DEPDC5: variants seen among roughly 807,000 people sequenced by gnomAD.
The protein encoded by DEPDC5 is DEP domain containing 5, GATOR1 subcomplex subunit.
DEPDC5 carries 73 observed loss-of-function variants against 217.3 expected under a neutral mutation model. The ratio of observed to expected loss-of-function variants is 0.34; its 90% CI spans 0.28 to 0.41. The LOEUF (loss-of-function observed/expected upper bound fraction) is 0.41. Ranked by LOEUF, DEPDC5 falls within the 10% of genes least tolerant of loss-of-function variation. The probability of loss-of-function intolerance (pLI) is 1.00; values close to 1 mark genes in which losing one functional copy is unlikely to be tolerated. For missense variants in DEPDC5, 1,675 were observed against 2,070.1 expected (o/e 0.81, Z 3.70); for synonymous variants, 733 against 756.7 (o/e 0.97, Z 0.51).
intron 14 of DEPDC5, among the ~76,000 whole-genome samples, chr22:31,800,016 T>G (rs753466870): frequency 7.9e-5 from 12 of 151,718 alleles, no homozygotes; most frequent in Non-Finnish European, 1.3e-4. Flanking sequence ...TTGGTCAGGA[T>G]GGTCTCGATC....
At chr22:31,877,749 C>CAAAAA (rs136870) in intron 37 of DEPDC5, among the ~76,000 whole-genome samples, 14 of 62,836 alleles carry the variant, frequency 2.2e-4, no homozygotes, top group East Asian at 1.1e-3. Context: ...GACTCCATCT[C>CAAAAA]AAAAAAAAAA....
chr22:31,885,640 G>A (rs532865060), intron 38 of DEPDC5, among the ~76,000 whole-genome samples: 2 of 150,656 alleles, frequency 1.3e-5, no homozygotes, highest in South Asian at 2.1e-4. Flanking sequence ...CAGGAGAATG[G>A]CGTGAACCTG....
At chr22:31,897,201 C>G (rs994553899) in intron 39 of DEPDC5, among the ~76,000 whole-genome samples, 6 of 152,110 alleles carry the variant, frequency 3.9e-5, no homozygotes, top group African/African-American at 1.4e-4. Flanking sequence ...AGGATTTCAA[C>G]TCTCTGCAGA....
chr22:31,890,011 T>C (rs1365872403), intron 38 of DEPDC5, among the ~76,000 whole-genome samples: 1 of 152,132 alleles, frequency 6.6e-6, no homozygotes, highest in African/African-American at 2.4e-5. Flanking sequence ...GATTGAACAT[T>C]GGCAAACTAA....
At chr22:31,816,678 C>T (rs1208880488) in intron 21 of DEPDC5, 1 of 152,410 alleles carries the variant, frequency 6.6e-6, no homozygotes, top group Non-Finnish European at 1.5e-5. Context: ...GATCCACCCA[C>T]CTCGGCCTCC....
Position 31,901,723 on chromosome 22 carries a change from ATTC to A in DEPDC5, c.4376-16_4376-14del, listed in dbSNP as rs1221586494. Reference sequence around the variant, plus strand: ...ACCTTGTGATCACAACCCAATATTTATTCTTATTTTCCTTTCAGGCTTTGAACC... The same window carrying A: ...ACCTTGTGATCACAACCCAATATTTATTATTTTCCTTTCAGGCTTTGAACC... On this transcript the variant is annotated splice_polypyrimidine_tract_variant and intron_variant, in intron 40 of 42. Coordinates refer to ENST00000651528, the MANE Select transcript of DEPDC5 (RefSeq NM_001242896.3). 6.2e-7 allele frequency: 1 copy of A among 1,604,440 alleles called. No individual in the cohort carries two copies. Among genetic ancestry groups the A allele is most frequent in the East Asian group, 2.2e-5 (1 of 44,646 alleles).
chr22:31,831,650 G>A (rs2090603845), intron 24 of DEPDC5, among the ~76,000 whole-genome samples: 1 of 152,016 alleles, frequency 6.6e-6, no homozygotes, highest in African/African-American at 2.4e-5. Context: ...TAGTAGAGAC[G>A]AGGTTTCACC....
intron 40 of DEPDC5, among the ~76,000 whole-genome samples, chr22:31,898,310 G>A (rs1023310774): frequency 2.0e-5 from 3 of 152,142 alleles, no homozygotes; most frequent in East Asian, 3.9e-4. Context: ...AGAACCCAGA[G>A]GGCAGGTTTA....
intron 26 of DEPDC5, among the ~76,000 whole-genome samples, chr22:31,838,355 G>A (rs2091174919): frequency 6.6e-6 from 1 of 151,528 alleles, no homozygotes; most frequent in Non-Finnish European, 1.5e-5. Context: ...ATGCAATCTT[G>A]GCTCACTGCA....
intron 18 of DEPDC5, among the ~76,000 whole-genome samples, chr22:31,807,644 G>T (rs1355585394): frequency 6.6e-6 from 1 of 152,100 alleles, no homozygotes; most frequent in Non-Finnish European, 1.5e-5. Flanking sequence ...GTTGGCCAGG[G>T]TTGTCTCAAA....
rs147636341 is a variant in DEPDC5, at chr22:31,881,277, G to A, written c.4033+1525G>A. On this transcript the variant is annotated intron_variant, in intron 38 of 42. Coordinates refer to ENST00000651528, the MANE Select transcript of DEPDC5 (RefSeq NM_001242896.3). ...AGATCGCCCCATTGTACTCTAGAGC[G>A]AGACTCCATCTCTCAAAAAAAAAAA... 2.4e-3 allele frequency among the ~76,000 whole-genome samples: 362 copies of A among 148,122 alleles called. 3 individuals are homozygous for A. Among genetic ancestry groups the A allele is most frequent in the African/African-American group, 8.7e-3 (347 of 39,810 alleles).
At chr22:31,811,120 A>T (rs1816417537) in intron 20 of DEPDC5, among the ~76,000 whole-genome samples, 1 of 151,780 alleles carries the variant, frequency 6.6e-6, no homozygotes, top group Admixed American at 6.6e-5. Context: ...CCCAGGCTGG[A>T]GTGCAATGAC....
At position 31,754,487 on chromosome 22, in the gene DEPDC5, A is replaced by C. The variant is rs116406319; in HGVS notation, c.-61+323A>C. Among the ~76,000 whole-genome samples the C allele has an allele frequency of 6.2e-3, 952 of 152,346 alleles. 10 individuals carry two copies. Among genetic ancestry groups the C allele is most frequent in the African/African-American group, 0.021 (878 of 41,576 alleles). ...GACCTTGAGCAAGTCCCTTGCCCGG[A>C]GTCACACTTTCATCATCTACAAAAT... On this transcript the variant is annotated intron_variant, in intron 1 of 42. Transcript: ENST00000651528.
Position 31,906,473 on chromosome 22 carries a change from G to A in DEPDC5, c.4788G>A (p.Glu1596=). The change falls in exon 43 of 43, where the codon GAG becomes GAA. Residue 1596 remains glutamate (E), a synonymous_variant. Coordinates refer to ENST00000651528, the MANE Select transcript of DEPDC5 (RefSeq NM_001242896.3). The surrounding 1 kb of genome is among the most constrained non-coding windows in gnomAD (Gnocchi z 5.1). ...TCACGTTCTGGACAAGTTGCCTGGA[G>A]AAGATGCATGCCAGTGCCCCGTGAG... ...RLVTFWTSCL[E]KMHASAP The A allele has an allele frequency of 6.2e-7, 1 of 1,612,686 alleles. No homozygotes were observed.
Position 31,901,782 on chromosome 22 carries a change from C to T in DEPDC5, c.4416C>T (p.Phe1472=). The T allele has an allele frequency of 1.2e-6, 2 of 1,613,566 alleles. No homozygotes were observed. The highest frequency in any genetic ancestry group is 2.2e-5 in the South Asian group (2 of 90,922). The change falls in exon 41 of 43, where the codon TTC becomes TTT. Residue 1472 remains phenylalanine (F), a synonymous_variant. Transcript: ENST00000651528. The part of the protein sequence containing the change: ...PETYWDRMHL[F]QEAIAHRFGF... ...CGTACTGGGATCGAATGCACCTCTT[C>T]CAGGAAGCCATTGCACACAGGTTTG...
At chr22:31,778,847 CA>C (rs2084145549) in intron 8 of DEPDC5, among the ~76,000 whole-genome samples, 2 of 152,164 alleles carry the variant, frequency 1.3e-5, no homozygotes, top group African/African-American at 2.4e-5. Context: ...GGTTTTCAAC[CA>C]GGGGTGATTT....
rs2083052156 is a variant in DEPDC5 at position 31,768,790 on chromosome 22, A to G, written c.364-24A>G. 5 of 1,593,810 alleles carry G rather than the reference A, an allele frequency of 3.1e-6. No individual in the cohort carries two copies. In the Admixed American group the frequency reaches 6.8e-5, roughly 22 times the overall value. On this transcript the variant is annotated intron_variant, in intron 6 of 42. Transcript: ENST00000651528. ...CCTCTCTCCCTCCCTCCCTCTCTCT[A>G]CCCCTCTCTCCCCCTCCTCTTAGGT...
chr22:31,798,133 G>C (rs910102876), intron 13 of DEPDC5, among the ~76,000 whole-genome samples: 1 of 151,990 alleles, frequency 6.6e-6, no homozygotes, highest in Non-Finnish European at 1.5e-5. Context: ...GTGTTGACCA[G>C]GCTTGTTTCA....
chr22:31,859,293 G>GTGTT (rs1483919443), intron 32 of DEPDC5, among the ~76,000 whole-genome samples: 6 of 150,958 alleles, frequency 4.0e-5, no homozygotes, highest in Non-Finnish European at 7.4e-5. Context: ...AGGTTTCACT[G>GTGTT]TGTTAGCCAG....
Sources: gnomAD v4.1 joint callset for allele counts (sites outside exome capture counted in the v4.1 genomes callset) on GRCh38, gnomAD v4.1.1 for gene constraint, Gnocchi (gnomAD v3.1) non-coding constraint, MANE v1.5 for transcripts, NCBI Gene and HGNC (gene_info 2026-07-23, HGNC 2026-07-21) for gene names.